PRIM2: variants seen among roughly 807,000 people sequenced by gnomAD.
PRIM2 encodes the protein DNA primase subunit 2.
In PRIM2, 39 loss-of-function variants were observed where a neutral mutation model predicts 67.3. That is an observed-to-expected ratio of 0.58 (90% CI 0.45 to 0.76). The LOEUF is 0.76. PRIM2 is among the 30% of genes least tolerant of loss of function. PRIM2 has a pLI of 0.00. For missense variants in PRIM2, 398 were observed against 598.7 expected (o/e 0.66, Z 3.50); for synonymous variants, 143 against 198.7 (o/e 0.72, Z 2.36).
At chr6:57,256,042 C>A in the PRIM2 span, among the ~76,000 whole-genome samples, 49 of 149,298 alleles carry the variant, frequency 3.3e-4, no homozygotes, top group Non-Finnish European at 4.4e-5. Flanking sequence ...CACACACACA[C>A]ACACACATTA....
At chr6:57,562,629 G>A (rs1261544590) in intron 10 of PRIM2, among the ~76,000 whole-genome samples, 1 of 152,132 alleles carries the variant, frequency 6.6e-6, no homozygotes, top group Admixed American at 6.5e-5. Context: ...ATAATACTTA[G>A]GAGGTATCTC....
At chr6:57,374,357 G>A (rs536537046) in intron 5 of PRIM2, among the ~76,000 whole-genome samples, 3 of 149,600 alleles carry the variant, frequency 2.0e-5, no homozygotes, top group South Asian at 2.1e-4. Context: ...GCAGTGGCGC[G>A]ATCTCGACTC....
At chr6:57,340,426 A>G (rs923179421) in intron 5 of PRIM2, among the ~76,000 whole-genome samples, 17 of 152,222 alleles carry the variant, frequency 1.1e-4, no homozygotes, top group Non-Finnish European at 2.1e-4. Flanking sequence ...TTGCGGCACT[A>G]TTCACAATAG....
At chr6:57,444,911 C>T (rs1581911027) in intron 7 of PRIM2, among the ~76,000 whole-genome samples, 1 of 145,616 alleles carries the variant, frequency 6.9e-6, no homozygotes, top group African/African-American at 2.8e-5. Context: ...TAATGATAGT[C>T]TCCTTGCTCC....
intron 5 of PRIM2, among the ~76,000 whole-genome samples, chr6:57,335,285 A>T (rs910371978): frequency 6.6e-6 from 1 of 151,870 alleles, no homozygotes; most frequent in East Asian, 1.9e-4. Context: ...AGGCTGGGGG[A>T]GGGGCGCCCG....
intron 7 of PRIM2, among the ~76,000 whole-genome samples, chr6:57,406,300 A>C (rs1248817002): frequency 1.3e-5 from 2 of 152,188 alleles, no homozygotes; most frequent in African/African-American, 2.4e-5. Flanking sequence ...CCATTCAGAC[A>C]GATGAGTACC....
chr6:57,548,460 T>A (rs1348868648), intron 10 of PRIM2, among the ~76,000 whole-genome samples: 2 of 152,086 alleles, frequency 1.3e-5, no homozygotes, highest in African/African-American at 4.8e-5. Flanking sequence ...GTAAAACTCA[T>A]GGAAATGGAG....
At chr6:57,268,795 C>G in the PRIM2 span, among the ~76,000 whole-genome samples, 1 of 121,942 alleles carries the variant, frequency 8.2e-6, no homozygotes, top group Non-Finnish European at 1.7e-5. Flanking sequence ...CCCCCCACCC[C>G]ACAACAGTCC....
chr6:57,456,254 A>G (rs1464487854), intron 7 of PRIM2, among the ~76,000 whole-genome samples: 1 of 152,052 alleles, frequency 6.6e-6, no homozygotes, highest in Non-Finnish European at 1.5e-5. Flanking sequence ...GAATCTGACA[A>G]TTATGTGTCT....
intron 10 of PRIM2, among the ~76,000 whole-genome samples, chr6:57,571,396 T>G: frequency 6.6e-6 from 1 of 152,276 alleles, no homozygotes; most frequent in Middle Eastern, 3.4e-3. Context: ...ATGCTTATAA[T>G]CCCAGCACTT....
intron 8 of PRIM2, among the ~76,000 whole-genome samples, chr6:57,521,945 G>A (rs1554348966): frequency 1.3e-5 from 2 of 149,598 alleles, no homozygotes; most frequent in African/African-American, 4.9e-5. Flanking sequence ...TGCATCCTGT[G>A]TATTATGGCT....
chr6:57,254,456 C>T, the PRIM2 span, among the ~76,000 whole-genome samples: 4 of 152,192 alleles, frequency 2.6e-5, no homozygotes, highest in Admixed American at 6.5e-5. Context: ...TGTGGCAGGC[C>T]GGGTCTCACT....
chr6:57,340,394 GAC>G (rs1445403787), intron 5 of PRIM2, among the ~76,000 whole-genome samples: 2 of 152,096 alleles, frequency 1.3e-5, no homozygotes, highest in Non-Finnish European at 2.9e-5. Context: ...CTGCTATAAA[GAC>G]ACATGCACAC....
At chr6:57,234,708 A>G in the PRIM2 span, among the ~76,000 whole-genome samples, 1 of 151,958 alleles carries the variant, frequency 6.6e-6, no homozygotes, top group Non-Finnish European at 1.5e-5. Flanking sequence ...TATTTTTAGT[A>G]GAGATGGGGT....
chr6:57,429,958 A>G (rs554416149), intron 7 of PRIM2, among the ~76,000 whole-genome samples: 220 of 152,180 alleles, frequency 1.4e-3, no homozygotes, highest in Non-Finnish European at 1.7e-3. Flanking sequence ...TTATTTTCCA[A>G]CCCCTATATT....
At chr6:57,390,614 TCTCA>T (rs1469264253) in intron 7 of PRIM2, among the ~76,000 whole-genome samples, 3 of 152,176 alleles carry the variant, frequency 2.0e-5, no homozygotes, top group African/African-American at 4.8e-5. Context: ...ATCATTTAGC[TCTCA>T]CTAAGTGAGA....
intron 12 of PRIM2, among the ~76,000 whole-genome samples, chr6:57,624,510 G>A (rs1319605508): frequency 9.9e-5 from 15 of 152,270 alleles, no homozygotes; most frequent in African/African-American, 3.6e-4. Context: ...TATATTCAGA[G>A]TGCCAGAGGG....
intron 5 of PRIM2, among the ~76,000 whole-genome samples, chr6:57,361,121 G>T (rs1769184691): frequency 6.6e-6 from 1 of 152,106 alleles, no homozygotes; most frequent in South Asian, 2.1e-4. Flanking sequence ...GTTTCTCAAG[G>T]CTGATAGGAG....
At position 57,325,965 on chromosome 6, in the gene PRIM2, C is replaced by A; in HGVS notation, c.379C>A (p.Leu127Ile). The change falls in exon 5 of 14, where the codon CTC (leucine) becomes ATC (isoleucine). Residue 127 changes from leucine to isoleucine, a missense_variant. Physicochemically the swap from Leu to Ile is conservative, Grantham distance 5 (BLOSUM62 2). This residue lies in a region of PRIM2 where 229 missense variants were observed against 383.6 expected (regional missense o/e 0.60). Coordinates refer to ENST00000615550, the MANE Select transcript of PRIM2 (RefSeq NM_000947.5). ...CTGGTTCATTCAACAAGAAATGGAT[C>A]TCCTTCGATTTAGATTTAGTATTTT... is the stretch of plus-strand genomic sequence containing the variant. ...RRWFIQQEMDLLRFRFSILPK... is the reference protein window; with the variant it reads ...RRWFIQQEMDILRFRFSILPK... 1.2e-6 allele frequency: 2 copies of A among 1,610,604 alleles called. No homozygotes were observed. The highest frequency in any genetic ancestry group is 3.3e-5 in the Admixed American group (2 of 59,746).
Sources: gnomAD v4.1 joint callset for allele counts (sites outside exome capture counted in the v4.1 genomes callset) on GRCh38, gnomAD v4.1.1 for gene constraint, gnomAD v4.1.1 regional missense constraint, MANE v1.5 for transcripts, NCBI Gene and HGNC (gene_info 2026-07-23, HGNC 2026-07-21) for gene names.